TXNDC8: variants seen among roughly 807,000 people sequenced by gnomAD.
TXNDC8 encodes thioredoxin domain containing 8.
A neutral mutation model predicts 12.9 loss-of-function variants in TXNDC8; 15 were observed. That is an observed-to-expected ratio of 1.16 (90% confidence interval 0.78 to 1.79). The LOEUF (loss-of-function observed/expected upper bound fraction) is 1.79. Among genes scored for constraint, TXNDC8 ranks in the 40% most tolerant of loss-of-function variants. The pLI, the probability that TXNDC8 is intolerant of heterozygous loss-of-function variation, is 0.00. For missense variants in TXNDC8, 128 were observed against 113.2 expected (o/e 1.13, Z -0.59); for synonymous variants, 40 against 35.4 (o/e 1.13, Z -0.46).
rs754662385 is a variant in TXNDC8 at position 110,303,596 on chromosome 9, G to A, written c.*86C>T. ...AAAACTCAAAAATCTGTTCACAAAT[G>A]CACAAAGGTGAAACATTTATTGATT... On this transcript the variant is annotated 3_prime_UTR_variant, in exon 5 of 5. Transcript: ENST00000423740. 3 of 1,555,718 alleles carry A rather than the reference G, an allele frequency of 1.9e-6. No homozygotes were observed. The highest frequency in any genetic ancestry group is 2.3e-5 in the South Asian group (2 of 86,180).
At chr9:110,308,711 G>A (rs1035677457) in intron 3 of TXNDC8, among the ~76,000 whole-genome samples, 5 of 151,700 alleles carry the variant, frequency 3.3e-5, no homozygotes, top group Non-Finnish European at 7.4e-5. Context: ...CTTCTACCAC[G>A]TACCTCCTTC....
At chr9:110,331,389 A>T (rs995401212) in intron 2 of TXNDC8, among the ~76,000 whole-genome samples, 3 of 151,980 alleles carry the variant, frequency 2.0e-5, no homozygotes, top group Non-Finnish European at 4.4e-5. Flanking sequence ...GTTTCCCATG[A>T]CTTCTGGTTA....
chr9:110,333,583 C>G (rs1159600578), intron 2 of TXNDC8, among the ~76,000 whole-genome samples: 7 of 151,906 alleles, frequency 4.6e-5, no homozygotes, highest in Non-Finnish European at 7.4e-5. Flanking sequence ...ATCACACATA[C>G]ACACACACAC....
chr9:110,312,180 T>C (rs1838715001), intron 3 of TXNDC8, among the ~76,000 whole-genome samples: 1 of 152,224 alleles, frequency 6.6e-6, no homozygotes, highest in African/African-American at 2.4e-5. Flanking sequence ...TTTAGTATAC[T>C]CCTATGAACA....
intron 3 of TXNDC8, among the ~76,000 whole-genome samples, chr9:110,316,905 C>T (rs1838904381): frequency 6.6e-6 from 1 of 152,196 alleles, no homozygotes; most frequent in Admixed American, 6.5e-5. Context: ...GCTAAAGCAG[C>T]TAGTGACAAT....
chr9:110,310,078 T>G (rs868153542), intron 3 of TXNDC8, among the ~76,000 whole-genome samples: 1 of 152,274 alleles, frequency 6.6e-6, no homozygotes, highest in East Asian at 1.9e-4. Flanking sequence ...GCACCTCTAC[T>G]TGCCAGAGTT....
At chr9:110,327,900 T>C (rs1453711967) in intron 2 of TXNDC8, among the ~76,000 whole-genome samples, 2 of 152,114 alleles carry the variant, frequency 1.3e-5, no homozygotes, top group Non-Finnish European at 2.9e-5. Flanking sequence ...TCTGTGAATA[T>C]AGAAAAGGTA....
At chr9:110,310,256 T>A (rs901056854) in intron 3 of TXNDC8, among the ~76,000 whole-genome samples, 1 of 152,130 alleles carries the variant, frequency 6.6e-6, no homozygotes, top group South Asian at 2.1e-4. Context: ...CTTTATAATT[T>A]CTATAATTTT....
At chr9:110,316,448 C>T (rs561711486) in intron 3 of TXNDC8, among the ~76,000 whole-genome samples, 2 of 152,252 alleles carry the variant, frequency 1.3e-5, no homozygotes, top group Admixed American at 6.5e-5. Flanking sequence ...CCATCTGCAT[C>T]ACGTTGCAGG....
At chr9:110,322,343 A>G in intron 3 of TXNDC8, 1 of 980,386 alleles carries the variant, frequency 1.0e-6, no homozygotes, top group Non-Finnish European at 1.2e-6. Flanking sequence ...AATCATCTTA[A>G]TGGTTTAATT....
chr9:110,303,589 C>T lies in TXNDC8; in HGVS notation c.*93G>A. 2 of 1,550,480 alleles carry T rather than the reference C, an allele frequency of 1.3e-6. No individual in the cohort carries two copies. The highest frequency in any genetic ancestry group is 1.7e-6 in the Non-Finnish European group (2 of 1,143,682). Reference sequence around the variant, plus strand: ...GCTCCACAAAACTCAAAAATCTGTTCACAAATGCACAAAGGTGAAACATTT... The same window carrying T: ...GCTCCACAAAACTCAAAAATCTGTTTACAAATGCACAAAGGTGAAACATTT... On this transcript the variant is annotated 3_prime_UTR_variant, in exon 5 of 5. Coordinates refer to ENST00000423740, the MANE Select transcript of TXNDC8 (RefSeq NM_001286946.2).
intron 3 of TXNDC8, chr9:110,323,210 T>C: frequency 1.0e-6 from 1 of 985,250 alleles, no homozygotes; most frequent in Non-Finnish European, 1.2e-6. Context: ...TAGATGGAAC[T>C]AGAAGTAGGA....
chr9:110,311,521 GTATATA>G lies in TXNDC8; in HGVS notation c.196-6995_196-6990del, dbSNP rs66474968. 2.2e-3 allele frequency among the ~76,000 whole-genome samples: 90 copies of G among 41,242 alleles called. 2 individuals are homozygous for G. The highest frequency in any genetic ancestry group is 0.014 in the South Asian group (14 of 1,028). 27.1% of individuals were successfully genotyped at this position (41,242 alleles called of 152,430 possible). The stretch of plus-strand genomic sequence containing the variant: ...TAAAGAAAGTTACAAAAATAAAGAG[GTATATA>G]TATATATATATATATATATATATAT... On this transcript the variant is annotated intron_variant, in intron 3 of 4. Coordinates refer to ENST00000423740, the MANE Select transcript of TXNDC8 (RefSeq NM_001286946.2).
intron 3 of TXNDC8, among the ~76,000 whole-genome samples, chr9:110,311,002 T>C (rs1355474930): frequency 6.6e-6 from 1 of 152,218 alleles, no homozygotes; most frequent in Admixed American, 6.5e-5. Context: ...GTAAAGTTTG[T>C]TTTAGGAAAG....
rs767491004 is a variant in TXNDC8 at position 110,329,224 on chromosome 9, A to T, written c.130-2984T>A. On this transcript the variant is annotated intron_variant, in intron 2 of 4. Transcript: ENST00000423740. ...TGAGTATGTGCACAGAAGATTTAAG[A>T]TTCTTACCGGAGAATTGTTCACATC... is the stretch of plus-strand genomic sequence containing the variant. The T allele has an allele frequency of 2.5e-6, 4 of 1,611,616 alleles. No homozygotes were observed. Among genetic ancestry groups the T allele is most frequent in the South Asian group, 2.2e-5 (2 of 90,806 alleles).
At chr9:110,307,894 C>A (rs1291787428) in intron 3 of TXNDC8, among the ~76,000 whole-genome samples, 1 of 152,250 alleles carries the variant, frequency 6.6e-6, no homozygotes, top group Non-Finnish European at 1.5e-5. Context: ...CTCTAACCGT[C>A]TTGGGCACAT....
intron 3 of TXNDC8, among the ~76,000 whole-genome samples, chr9:110,322,058 A>AT (rs1323707767): frequency 5.3e-5 from 8 of 152,254 alleles, no homozygotes; most frequent in African/African-American, 1.9e-4. Flanking sequence ...AGTATTACAA[A>AT]TTTTTCTGGA....
chr9:110,317,366 C>A (rs534644358), intron 3 of TXNDC8, among the ~76,000 whole-genome samples: 2 of 152,258 alleles, frequency 1.3e-5, no homozygotes, highest in South Asian at 4.1e-4. Flanking sequence ...TTCACTTCTC[C>A]CCATGTTTAG....
At chr9:110,324,081 A>T in intron 3 of TXNDC8, 1 of 1,465,980 alleles carries the variant, frequency 6.8e-7, no homozygotes, top group Non-Finnish European at 9.1e-7. Flanking sequence ...TAGAGAATGG[A>T]TGCTGGGTGC....
Sources: allele counts gnomAD v4.1 joint callset (sites outside exome capture counted in the v4.1 genomes callset), GRCh38; gene constraint gnomAD v4.1.1; transcripts MANE v1.5; gene names NCBI Gene and HGNC (gene_info 2026-07-23, HGNC 2026-07-21).